The following CACNA1A variants were observed in gnomAD, a reference collection of about 807,000 sequenced individuals.
CACNA1A encodes the protein calcium voltage-gated channel subunit alpha1 A, also known as voltage-dependent P/Q-type calcium channel subunit alpha-1A.
A neutral mutation model predicts 262.4 loss-of-function variants in CACNA1A; 57 were observed. The ratio of observed to expected loss-of-function variants is 0.22; its 90% CI spans 0.18 to 0.27. CACNA1A has a LOEUF of 0.27. Ranked by LOEUF, CACNA1A falls within the 10% of genes least tolerant of loss-of-function variation. The probability of loss-of-function intolerance (pLI) is 1.00; values close to 1 mark genes in which losing one functional copy is unlikely to be tolerated. For synonymous variants in CACNA1A, 1,431 were observed against 1,419.3 expected (o/e 1.01, Z -0.18); for missense variants, 2,526 against 3,562.8 (o/e 0.71, Z 7.41).
At chr19:13,418,818 C>T (rs554457160) in intron 3 of CACNA1A, among the ~76,000 whole-genome samples, 14 of 152,286 alleles carry the variant, frequency 9.2e-5, no homozygotes, top group African/African-American at 3.1e-4. Flanking sequence ...TGATCAACAG[C>T]GGACTGCCTA....
At chr19:13,447,126 A>G (rs1455665482) in intron 3 of CACNA1A, among the ~76,000 whole-genome samples, 2 of 152,232 alleles carry the variant, frequency 1.3e-5, no homozygotes, top group African/African-American at 2.4e-5. Context: ...AAGGAACCCA[A>G]TCTAGAATAG....
At chr19:13,346,666 ATTTTTTTTTTTTT>A (rs74181823) in intron 6 of CACNA1A, among the ~76,000 whole-genome samples, 2 of 8,284 alleles carry the variant, frequency 2.4e-4, no homozygotes, top group African/African-American at 1.0e-3. Context: ...ATATATATAT[ATTTTTTTTTTTTT>A]TTTTTTTTTT....
At position 13,246,710 on chromosome 19, in the gene CACNA1A, C is replaced by T. The variant is rs562391137; in HGVS notation, c.4867-1445G>A. Among the ~76,000 whole-genome samples, 3 of 152,196 alleles carry T rather than the reference C, an allele frequency of 2.0e-5. No homozygotes were observed. In the South Asian group the frequency reaches 6.2e-4, roughly 32 times the overall value. On this transcript the variant is annotated intron_variant, in intron 30 of 46. Transcript: ENST00000360228. ...GCACGTTCTCGGCTCACTACAAGCT[C>T]TGCCTCCCGGGTTCACACCATTCTC...
chr19:13,490,933 G>A (rs752919624), intron 1 of CACNA1A, among the ~76,000 whole-genome samples: 1 of 143,040 alleles, frequency 7.0e-6, no homozygotes, highest in Non-Finnish European at 1.5e-5. Context: ...GGGAGGGAAA[G>A]AGAAAGGAAA....
At chr19:13,257,709 G>C (rs2056608919) in intron 27 of CACNA1A, 158 bp from the exon 28 acceptor site, 5 of 494,180 alleles carry the variant, frequency 1.0e-5, no homozygotes, top group Non-Finnish European at 1.8e-5. Flanking sequence ...TTTTTGAAAG[G>C]CTGACAACAA....
rs534497227 is a variant in CACNA1A, at chr19:13,428,947, G to A, written c.539+23929C>T. The stretch of plus-strand genomic sequence containing the variant: ...GTGTTCTCAGAATGGCCTTGAGGAC[G>A]GCACAGGTGAATCACGCCTCAAACA... On this transcript the variant is annotated intron_variant, in intron 3 of 46. Coordinates refer to ENST00000360228, the MANE Select transcript of CACNA1A (RefSeq NM_001127222.2). Among the ~76,000 whole-genome samples, 222 of 152,088 alleles carry A rather than the reference G, an allele frequency of 1.5e-3. 3 individuals carry two copies. Among genetic ancestry groups the A allele is most frequent in the African/African-American group, 5.2e-3 (217 of 41,476 alleles).
chr19:13,439,216 C>T (rs1250913103), intron 3 of CACNA1A, among the ~76,000 whole-genome samples: 1 of 149,948 alleles, frequency 6.7e-6, no homozygotes, highest in Non-Finnish European at 1.5e-5. Context: ...TCACGCCATT[C>T]TCCTTCCTCA....
intron 1 of CACNA1A, among the ~76,000 whole-genome samples, chr19:13,497,488 CAAAAAAAAAAAAAAAAAAA>C (rs59964256): frequency 0.015 from 60 of 3,968 alleles, no homozygotes; most frequent in Non-Finnish European, 0.019. Context: ...AACTCCATCT[CAAAAAAAAAAAAAAAAAAA>C]AAAAAAAAAA....
intron 1 of CACNA1A, among the ~76,000 whole-genome samples, chr19:13,491,458 A>G (rs894639081): frequency 6.6e-6 from 1 of 152,132 alleles, no homozygotes; most frequent in African/African-American, 2.4e-5. Context: ...CTTCCTCTTT[A>G]TCAGGGATGG....
chr19:13,437,555 G>A (rs2060632420), intron 3 of CACNA1A, among the ~76,000 whole-genome samples: 2 of 151,978 alleles, frequency 1.3e-5, no homozygotes, highest in Non-Finnish European at 2.9e-5. Context: ...GCCAGGTATG[G>A]TGGCGTGCTC....
At chr19:13,414,931 C>T (rs886265975) in intron 3 of CACNA1A, among the ~76,000 whole-genome samples, 5 of 151,986 alleles carry the variant, frequency 3.3e-5, no homozygotes, top group Admixed American at 1.3e-4. Context: ...CCTCTGCACT[C>T]GAGCCTGGGT....
At chr19:13,378,594 A>G (rs1568588031) in intron 3 of CACNA1A, among the ~76,000 whole-genome samples, 1 of 152,192 alleles carries the variant, frequency 6.6e-6, no homozygotes, top group Non-Finnish European at 1.5e-5. Flanking sequence ...CACCAGCAAG[A>G]TGAGGACTCA....
At chr19:13,266,006 G>A (rs902435143) in intron 24 of CACNA1A, among the ~76,000 whole-genome samples, 4 of 151,908 alleles carry the variant, frequency 2.6e-5, no homozygotes, top group African/African-American at 7.3e-5. Context: ...CATCACGTCC[G>A]GCTAATTTTG....
intron 44 of CACNA1A, 109 bp from the exon 45 acceptor site, chr19:13,209,607 T>C: frequency 1.2e-6 from 1 of 805,216 alleles, no homozygotes; most frequent in East Asian, 3.3e-5. Context: ...GTGACTGCGG[T>C]GTGACCATCC....
chr19:13,228,200 G>A (rs1023805132), intron 36 of CACNA1A, among the ~76,000 whole-genome samples: 9 of 152,104 alleles, frequency 5.9e-5, no homozygotes, highest in Non-Finnish European at 1.2e-4. Flanking sequence ...GAGCCACTGC[G>A]CCCGGCCATC....
Position 13,365,393 on chromosome 19 carries a change from T to C in CACNA1A, c.708A>G (p.Ala236=), listed in dbSNP as rs2059190143. ...LLQIGLLLFF[A]ILIFAIIGLE... ...ACCCTATGATTGCAAAAATAAGGATTGCAAAAAATAGGAGGAGGCCGATCT... is the reference window on the plus strand; with the variant it reads ...ACCCTATGATTGCAAAAATAAGGATCGCAAAAAATAGGAGGAGGCCGATCT... Residue 236 remains alanine, a synonymous_variant, in exon 5 of 47, where the codon GCA becomes GCG. Transcript: ENST00000360228. The C allele has an allele frequency of 6.2e-7, 1 of 1,613,474 alleles. No homozygotes were observed. The highest frequency in any genetic ancestry group is 2.2e-5 in the East Asian group (1 of 44,862).
At chr19:13,440,246 G>A (rs1225845758) in intron 3 of CACNA1A, among the ~76,000 whole-genome samples, 1 of 152,236 alleles carries the variant, frequency 6.6e-6, no homozygotes, top group Non-Finnish European at 1.5e-5. Flanking sequence ...TTACAGGCGT[G>A]AGCCACTGCG....
intron 10 of CACNA1A, among the ~76,000 whole-genome samples, chr19:13,322,565 C>T (rs2145077728): frequency 6.6e-6 from 1 of 151,668 alleles, no homozygotes; most frequent in South Asian, 2.1e-4. Flanking sequence ...CCCGTTTCCC[C>T]ACATCCTTGC....
intron 24 of CACNA1A, among the ~76,000 whole-genome samples, chr19:13,264,891 T>C (rs199503196): frequency 1.3e-4 from 19 of 150,742 alleles, no homozygotes; most frequent in South Asian, 8.5e-4. Context: ...TTTTTTTTTT[T>C]TGAGATGGAG....
Sources: allele counts gnomAD v4.1 joint callset (sites outside exome capture counted in the v4.1 genomes callset), GRCh38; gene constraint gnomAD v4.1.1; transcripts MANE v1.5; gene names NCBI Gene and HGNC (gene_info 2026-07-23, HGNC 2026-07-21).